CSMD1: variants seen among roughly 807,000 people sequenced by gnomAD.
CSMD1 encodes CUB and Sushi multiple domains 1.
CSMD1 carries 213 observed loss-of-function variants against 417.5 expected under a neutral mutation model. That is an observed-to-expected ratio of 0.51 (90% CI 0.46 to 0.57). The LOEUF is 0.57. CSMD1 is among the 20% of genes least tolerant of loss of function. The pLI is 0.00. For synonymous variants in CSMD1, 2,862 were observed against 1,736.8 expected (o/e 1.65, Z -16.11); for missense variants, 6,923 against 4,529.7 (o/e 1.53, Z -15.17).
intron 2 of CSMD1, among the ~76,000 whole-genome samples, chr8:4,477,438 G>A (rs1014719098): frequency 2.0e-5 from 3 of 152,226 alleles, no homozygotes; most frequent in Non-Finnish European, 4.4e-5. Flanking sequence ...CTCAGAAACT[G>A]AGTCTGGTAA....
intron 38 of CSMD1, 33 bp downstream of exon 38, chr8:3,162,126 T>C: frequency 3.0e-6 from 4 of 1,333,018 alleles, no homozygotes; most frequent in East Asian, 4.8e-5. Context: ...TGACCATGTG[T>C]ATGTTATTCC....
In CSMD1 at chr8:4,701,659, A is replaced by G. The variant is rs564876356; in HGVS notation, c.86-64101T>C. On this transcript the variant is annotated intron_variant, in intron 1 of 69. Coordinates refer to ENST00000635120, the MANE Select transcript of CSMD1 (RefSeq NM_033225.6). Reference sequence around the variant, plus strand: ...GGAGTTTGAAGTATGCTAGGTCCACACATCTCCTCTGTCAAACCTTTCTCC... The same window carrying G: ...GGAGTTTGAAGTATGCTAGGTCCACGCATCTCCTCTGTCAAACCTTTCTCC... 3.3e-5 allele frequency among the ~76,000 whole-genome samples: 5 copies of G among 152,196 alleles called. No individual in the cohort carries two copies. In the South Asian group the frequency reaches 8.3e-4, roughly 25 times the overall value.
At chr8:2,997,872 C>T (rs938124348) in intron 54 of CSMD1, 139 bp downstream of exon 54, 11 of 763,588 alleles carry the variant, frequency 1.4e-5, no homozygotes, top group Admixed American at 3.5e-5. Flanking sequence ...CTCAGAAATG[C>T]TTTCACACCT....
At chr8:3,121,475 G>A (rs930904285) in intron 41 of CSMD1, among the ~76,000 whole-genome samples, 2 of 152,178 alleles carry the variant, frequency 1.3e-5, no homozygotes, top group African/African-American at 2.4e-5. Context: ...AGAACACTAT[G>A]TGAGACAAAT....
Position 4,057,981 on chromosome 8 carries a change from T to A in CSMD1, c.416-25882A>T, listed in dbSNP as rs1442711318. Among the ~76,000 whole-genome samples the A allele has an allele frequency of 4.6e-5, 7 of 151,412 alleles. No homozygotes were observed. The East Asian group carries it at 1.4e-3, about 30-fold the overall frequency. Reference sequence around the variant, plus strand: ...GTCAGGTAGGGTGATGCCTCCAGCTTTGTTCTTTTGCCTTAGGATTGACTT... The same window carrying A: ...GTCAGGTAGGGTGATGCCTCCAGCTATGTTCTTTTGCCTTAGGATTGACTT... On this transcript the variant is annotated intron_variant, in intron 3 of 69. Transcript: ENST00000635120.
intron 13 of CSMD1, among the ~76,000 whole-genome samples, chr8:3,409,038 C>T (rs982140354): frequency 2.0e-5 from 3 of 152,116 alleles, no homozygotes; most frequent in East Asian, 3.9e-4. Flanking sequence ...CACCCATGCT[C>T]GCACTGGTGA....
intron 3 of CSMD1, among the ~76,000 whole-genome samples, chr8:4,040,626 C>G (rs1797837322): frequency 1.3e-5 from 2 of 152,114 alleles, no homozygotes; most frequent in Admixed American, 1.3e-4. Flanking sequence ...ACGATGTTTT[C>G]TTAGGTAGAA....
chr8:3,565,131 C>CAAAAAAAAAAAAAAAAAAAAAAAAAAAAA lies in CSMD1; in HGVS notation c.1344+9785_1344+9813dup, dbSNP rs869248314. Among the ~76,000 whole-genome samples the CAAAAAAAAAAAAAAAAAAAAAAAAAAAAA allele has an allele frequency of 4.8e-4, 5 of 10,448 alleles. 1 individual carries two copies. The highest frequency in any genetic ancestry group is 5.6e-4 in the Non-Finnish European group (3 of 5,366). The allele number at this position is 10,448 out of a possible 152,430, so 6.9% of individuals were successfully genotyped here. On this transcript the variant is annotated intron_variant, in intron 10 of 69. Transcript: ENST00000635120. ...TACTTAACTCTGTAGTGCAAGACAG[C>CAAAAAAAAAAAAAAAAAAAAAAAAAAAAA]AAAAAAAAAAAAAAAAAAAAAAAAA... is the stretch of plus-strand genomic sequence containing the variant.
intron 2 of CSMD1, among the ~76,000 whole-genome samples, chr8:4,600,026 C>T (rs561315532): frequency 3.3e-5 from 5 of 152,266 alleles, no homozygotes; most frequent in Non-Finnish European, 5.9e-5. Context: ...TTGGTTACCG[C>T]AGAACAGATC....
chr8:4,012,502 T>G (rs923408595), intron 4 of CSMD1, among the ~76,000 whole-genome samples: 2 of 152,164 alleles, frequency 1.3e-5, no homozygotes, highest in Admixed American at 1.3e-4. Flanking sequence ...TTTCGAGGTG[T>G]GGTGTATGCA....
chr8:3,908,692 G>A (rs143431616), intron 5 of CSMD1, among the ~76,000 whole-genome samples: 185 of 152,236 alleles, frequency 1.2e-3, no homozygotes, highest in African/African-American at 4.2e-3. Context: ...CAACTCTGGT[G>A]AAGCAATCGC....
intron 18 of CSMD1, among the ~76,000 whole-genome samples, chr8:3,385,159 T>C (rs1038700261): frequency 1.9e-4 from 26 of 135,184 alleles, no homozygotes; most frequent in Admixed American, 1.5e-3. Context: ...AAATATATAA[T>C]ACATAATATA....
intron 1 of CSMD1, among the ~76,000 whole-genome samples, chr8:4,781,560 C>T (rs574942088): frequency 5.3e-5 from 8 of 152,264 alleles, no homozygotes; most frequent in African/African-American, 1.9e-4. Flanking sequence ...ATAAAAGTTT[C>T]ACTTTTGTGG....
intron 5 of CSMD1, among the ~76,000 whole-genome samples, chr8:3,947,990 G>T (rs377050483): frequency 1.3e-5 from 2 of 152,220 alleles, no homozygotes; most frequent in African/African-American, 4.8e-5. Flanking sequence ...TGGATCACCT[G>T]AAGTCAGGTG....
At chr8:4,177,249 T>A (rs1284477657) in intron 3 of CSMD1, among the ~76,000 whole-genome samples, 3 of 152,068 alleles carry the variant, frequency 2.0e-5, no homozygotes, top group African/African-American at 2.4e-5. Flanking sequence ...CACAGTGCAA[T>A]CAAGCTAGAA....
rs4565479 is a variant in CSMD1 at position 3,607,020 on chromosome 8, C to A, written c.1097+9690G>T. On this transcript the variant is annotated intron_variant, in intron 8 of 69. Coordinates refer to ENST00000635120, the MANE Select transcript of CSMD1 (RefSeq NM_033225.6). ...CCGCCGTGCCTGGCCTACCGTGTTA[C>A]AGTTTTTAACTTGTGAGTTTTTTGC... 2.0e-5 allele frequency among the ~76,000 whole-genome samples: 3 copies of A among 152,018 alleles called. No individual in the cohort carries two copies. In the East Asian group the frequency reaches 5.8e-4, roughly 29 times the overall value.
chr8:3,257,607 A>G (rs997266994), intron 26 of CSMD1, among the ~76,000 whole-genome samples: 1 of 152,122 alleles, frequency 6.6e-6, no homozygotes, highest in Non-Finnish European at 1.5e-5. Flanking sequence ...TGAGATGATG[A>G]CACATATTTT....
intron 36 of CSMD1, among the ~76,000 whole-genome samples, chr8:3,182,417 G>A (rs1395546579): frequency 6.6e-6 from 1 of 152,108 alleles, no homozygotes; most frequent in Non-Finnish European, 1.5e-5. Flanking sequence ...ATTTCACCAT[G>A]TTGGCCAGGC....
In CSMD1 at chr8:4,299,714, C is replaced by T. The variant is rs568156829; in HGVS notation, c.415+120239G>A. Among the ~76,000 whole-genome samples, 29 of 152,122 alleles carry T rather than the reference C, an allele frequency of 1.9e-4. 1 individual carries two copies. The South Asian group carries it at 5.8e-3, about 30-fold the overall frequency. ...GTGGCGATCTTGGCTCACTGCAACC[C>T]CTGACTCCCCATTTCAAGCGATTGT... is the stretch of plus-strand genomic sequence containing the variant. On this transcript the variant is annotated intron_variant, in intron 3 of 69. Transcript: ENST00000635120.
Sources: allele counts gnomAD v4.1 joint callset (sites outside exome capture counted in the v4.1 genomes callset), GRCh38; gene constraint gnomAD v4.1.1; transcripts MANE v1.5; gene names NCBI Gene and HGNC (gene_info 2026-07-23, HGNC 2026-07-21).